Variants in NAB1 observed in about 807,000 individuals in gnomAD.
NAB1 encodes the protein NGFI-A-binding protein 1.
NAB1 carries 25 observed loss-of-function variants against 49.9 expected under a neutral mutation model. The observed-to-expected ratio is 0.50, with a 90% CI of 0.37 to 0.70. The LOEUF (loss-of-function observed/expected upper bound fraction) is 0.70, where lower values mean the gene tolerates loss of function less well. Ranked by LOEUF, NAB1 falls within the 30% of genes least tolerant of loss-of-function variation. The pLI is 0.00. For synonymous variants in NAB1, 198 were observed against 215.6 expected (o/e 0.92, Z 0.71); for missense variants, 489 against 575.9 (o/e 0.85, Z 1.54).
chr2:190,671,124 C>T (rs919256426), intron 5 of NAB1, among the ~76,000 whole-genome samples: 1 of 152,178 alleles, frequency 6.6e-6, no homozygotes, highest in Non-Finnish European at 1.5e-5. Context: ...ATTTCCAGCC[C>T]GCATTGTGTT....
Position 190,692,450 on chromosome 2 carries a change from C to G in NAB1, c.*2117C>G, listed in dbSNP as rs1034936545. On this transcript the variant is annotated 3_prime_UTR_variant, in exon 10 of 10. Coordinates refer to ENST00000337386, the MANE Select transcript of NAB1 (RefSeq NM_005966.4). This position sits in a 1 kb window ranked among gnomAD's most constrained non-coding sequence, Gnocchi z 5.2. ...GCACAAGAAAAATTTCAGTAGAATA[C>G]AGTTTTTATTTTGTAAACACTAATG... 2 of 152,528 alleles carry G rather than the reference C, an allele frequency of 1.3e-5. No individual in the cohort carries two copies. The highest frequency in any genetic ancestry group is 4.8e-5 in the African/African-American group (2 of 41,416). 9.4% of individuals were successfully genotyped at this position (152,528 alleles called of 1,614,324 possible). A position where few individuals can be genotyped will look rare whatever the true frequency, so the allele number is the denominator to read the frequency against.
rs907607295 is a variant in NAB1 at position 190,673,143 on chromosome 2, T to C, written c.996T>C (p.Ile332=). The change falls in exon 6 of 10, where the codon ATT becomes ATC. Residue 332 remains isoleucine (I), a synonymous_variant. Coordinates refer to ENST00000337386, the MANE Select transcript of NAB1 (RefSeq NM_005966.4). ...GERDELSPKR[I]KVEDGFPDFQ... ...GAGATGAATTATCCCCAAAGAGAATTAAAGTGGAGGTATGGTCATATGTTA... is the reference window on the plus strand; with the variant it reads ...GAGATGAATTATCCCCAAAGAGAATCAAAGTGGAGGTATGGTCATATGTTA... 1 of 1,611,420 alleles carries C rather than the reference T, an allele frequency of 6.2e-7. No individual in the cohort carries two copies. The highest frequency in any genetic ancestry group is 8.5e-7 in the Non-Finnish European group (1 of 1,179,050).
rs1456117336 is a variant in NAB1 at position 190,670,336 on chromosome 2, A to G, written c.830A>G (p.Asn277Ser). The G allele has an allele frequency of 6.2e-7, 1 of 1,609,968 alleles. No individual in the cohort carries two copies. Among genetic ancestry groups the G allele is most frequent in the East Asian group, 2.2e-5 (1 of 44,818 alleles). Residue 277 changes from asparagine to serine, a missense_variant, in exon 5 of 10, where the codon AAT becomes AGT. Physicochemically the swap from Asn to Ser is conservative, Grantham distance 46 (BLOSUM62 1). Transcript: ENST00000337386. This position sits in a 1 kb window ranked among gnomAD's most constrained non-coding sequence, Gnocchi z 5.3. ...GTTTTGGATATCCAGCTCACTGTTA[A>G]TGAAGCGGCTGCTCAACTCTGTGTG... is the stretch of plus-strand genomic sequence containing the variant. ...KHLTLHELTVNEAAAQLCVKD... is the reference protein window; with the variant it reads ...KHLTLHELTVSEAAAQLCVKD...
chr2:190,681,972 A>C (rs1695370240), intron 6 of NAB1, among the ~76,000 whole-genome samples: 1 of 152,198 alleles, frequency 6.6e-6, no homozygotes, highest in Admixed American at 6.5e-5. Flanking sequence ...AATGTTTTGG[A>C]GTTTAATTGT....
At chr2:190,660,281 A>G (rs1248679961) in intron 4 of NAB1, among the ~76,000 whole-genome samples, 1 of 152,230 alleles carries the variant, frequency 6.6e-6, no homozygotes, top group African/African-American at 2.4e-5. Flanking sequence ...AAGTCTTTGC[A>G]TTTGTAAGGC....
rs1256811108 is a variant in NAB1 at position 190,657,602 on chromosome 2, C to T, written c.-20+1449C>T. Among the ~76,000 whole-genome samples, 1 of 152,206 alleles carries T rather than the reference C, an allele frequency of 6.6e-6. No homozygotes were observed. Among genetic ancestry groups the T allele is most frequent in the Non-Finnish European group, 1.5e-5 (1 of 68,034 alleles). On this transcript the variant is annotated intron_variant, in intron 3 of 9. Transcript: ENST00000337386. This position sits in a 1 kb window ranked among gnomAD's most constrained non-coding sequence, Gnocchi z 4.4. Reference sequence around the variant, plus strand: ...AGTCATCAGGTAACCTGGTTATGCCCATACTAGCCCTTGCAAAGAAAGAGA... The same window carrying T: ...AGTCATCAGGTAACCTGGTTATGCCTATACTAGCCCTTGCAAAGAAAGAGA...
chr2:190,690,083 GCTCTTAACAGCT>G (rs1257350203), intron 9 of NAB1, among the ~76,000 whole-genome samples, 150 bp from the exon 10 acceptor site: 3 of 25,478 alleles, frequency 1.2e-4, no homozygotes, highest in Non-Finnish European at 3.3e-4. Flanking sequence ...CAGAATCCAA[GCTCTTAACAGCT>G]CTATGAACAA....
At chr2:190,664,211 G>C (rs984023226) in intron 4 of NAB1, among the ~76,000 whole-genome samples, 4 of 152,250 alleles carry the variant, frequency 2.6e-5, no homozygotes, top group Admixed American at 2.0e-4. Flanking sequence ...TTGTAGTGTT[G>C]TCTGTTTCTC....
intron 4 of NAB1, among the ~76,000 whole-genome samples, 157 bp downstream of exon 4, chr2:190,660,152 T>C (rs1015654161): frequency 6.6e-6 from 1 of 152,220 alleles, no homozygotes; most frequent in Admixed American, 6.5e-5. Flanking sequence ...TTTGTGAAAA[T>C]AGACCATATT....
Position 190,690,337 on chromosome 2 carries a change from T to C in NAB1, c.*4T>C. 1 of 1,598,340 alleles carries C rather than the reference T, an allele frequency of 6.3e-7. No homozygotes were observed. The highest frequency in any genetic ancestry group is 1.7e-5 in the Admixed American group (1 of 59,974). On this transcript the variant is annotated 3_prime_UTR_variant, in exon 10 of 10. Coordinates refer to ENST00000337386, the MANE Select transcript of NAB1 (RefSeq NM_005966.4). Reference sequence around the variant, plus strand: ...AGAGCCTGAAGATTCAAGATAGCTGTGATTTCTCTCACCGTTCTCTGGAAA... The same window carrying C: ...AGAGCCTGAAGATTCAAGATAGCTGCGATTTCTCTCACCGTTCTCTGGAAA...
chr2:190,687,351 T>G, intron 9 of NAB1, 34 bp downstream of exon 9: 2 of 1,078,060 alleles, frequency 1.9e-6, no homozygotes, highest in Non-Finnish European at 2.7e-6. Flanking sequence ...AGGGTAACAC[T>G]TGAATAAAAG....
At chr2:190,664,033 T>TG (rs1184978896) in intron 4 of NAB1, among the ~76,000 whole-genome samples, 1 of 152,196 alleles carries the variant, frequency 6.6e-6, no homozygotes, top group East Asian at 1.9e-4. Flanking sequence ...TTGTGGTCTG[T>TG]GTTTTTTACG....
At chr2:190,648,974 G>A (rs1465401823), upstream of NAB1, 1 of 149,072 alleles carries the variant, frequency 6.7e-6, no homozygotes, top group Non-Finnish European at 1.5e-5. Context: ...AGCGCGGGGT[G>A]GGGGAGTGGA....
At position 190,678,776 on chromosome 2, in the gene NAB1, G is replaced by A. The variant is rs772522340; in HGVS notation, c.1006-4962G>A. On this transcript the variant is annotated intron_variant, in intron 6 of 9. Transcript: ENST00000337386. This position sits in a 1 kb window ranked among gnomAD's most constrained non-coding sequence, Gnocchi z 4.9. ...GAAAAGAAAGCTGGTCTAATTTGAC[G>A]TAGACTCTTCCCCTCTGGATCAGAA... Among the ~76,000 whole-genome samples the A allele has an allele frequency of 2.6e-5, 4 of 152,198 alleles. No individual in the cohort carries two copies. The highest frequency in any genetic ancestry group is 6.5e-5 in the Admixed American group (1 of 15,284).
chr2:190,661,093 A>C (rs1040847854), intron 4 of NAB1, among the ~76,000 whole-genome samples: 1 of 152,030 alleles, frequency 6.6e-6, no homozygotes, highest in South Asian at 2.1e-4. Context: ...ACACCAAGTT[A>C]ATTTTTTAAG....
At chr2:190,655,151 T>A (rs188398182) in intron 2 of NAB1, among the ~76,000 whole-genome samples, 35 of 152,348 alleles carry the variant, frequency 2.3e-4, no homozygotes, top group African/African-American at 7.9e-4. Context: ...TGAGAATACA[T>A]GTAAAGACAA....
rs891612737 is a variant in NAB1 at position 190,685,893 on chromosome 2, A to C, written c.1258+255A>C. On this transcript the variant is annotated intron_variant, in intron 8 of 9. Coordinates refer to ENST00000337386, the MANE Select transcript of NAB1 (RefSeq NM_005966.4). This position sits in a 1 kb window ranked among gnomAD's most constrained non-coding sequence, Gnocchi z 4.5. ...GTATTATTTTGTAGGGGTTGGTGGG[A>C]ATGTGAGATGTCAACAGTACAGATT... 6.6e-6 allele frequency among the ~76,000 whole-genome samples: 1 copy of C among 152,184 alleles called. No homozygotes were observed. Among genetic ancestry groups the C allele is most frequent in the African/African-American group, 2.4e-5 (1 of 41,442 alleles).
rs750947262 is a variant in NAB1, at chr2:190,679,006, G to T, written c.1006-4732G>T. Among the ~76,000 whole-genome samples, 9 of 152,210 alleles carry T rather than the reference G, an allele frequency of 5.9e-5. No individual in the cohort carries two copies. The highest frequency in any genetic ancestry group is 1.3e-4 in the Non-Finnish European group (9 of 68,032). On this transcript the variant is annotated intron_variant, in intron 6 of 9. Coordinates refer to ENST00000337386, the MANE Select transcript of NAB1 (RefSeq NM_005966.4). The surrounding 1 kb of genome is among the most constrained non-coding windows in gnomAD (Gnocchi z 5.3). ...AATGGGATGAGAGTAATTAGGTCAT[G>T]CACCAGCCTCCGTCCCATAGCTTTT...
chr2:190,656,669 A>G (rs1457595644), intron 3 of NAB1, among the ~76,000 whole-genome samples: 4 of 152,174 alleles, frequency 2.6e-5, no homozygotes, highest in African/African-American at 9.7e-5. Context: ...AAGTGGGTAA[A>G]GATGAGAAAG....
Sources: allele counts gnomAD v4.1 joint callset (sites outside exome capture counted in the v4.1 genomes callset), GRCh38; gene constraint gnomAD v4.1.1; non-coding constraint Gnocchi (gnomAD v3.1); transcripts MANE v1.5; gene names NCBI Gene and HGNC (gene_info 2026-07-23, HGNC 2026-07-21).